The following TRIP11 variants were observed in gnomAD, a reference collection of about 807,000 sequenced individuals.
The protein encoded by TRIP11 is thyroid hormone receptor interactor 11, also known as thyroid receptor-interacting protein 11.
A neutral mutation model predicts 223.1 loss-of-function variants in TRIP11; 148 were observed. The observed-to-expected ratio is 0.66, with a 90% confidence interval of 0.58 to 0.76. TRIP11 has a LOEUF of 0.76. Ranked by LOEUF, TRIP11 falls within the 30% of genes least tolerant of loss-of-function variation. The pLI is 0.00. For missense variants in TRIP11, 2,043 were observed against 2,222.0 expected (o/e 0.92, Z 1.62); for synonymous variants, 762 against 772.6 (o/e 0.99, Z 0.23).
intron 3 of TRIP11, among the ~76,000 whole-genome samples, chr14:92,023,439 T>C (rs1198595767): frequency 1.3e-5 from 2 of 152,272 alleles, no homozygotes; most frequent in Non-Finnish European, 2.9e-5. Context: ...AAAGTAATTT[T>C]ATAAAATGCT....
chr14:92,011,677 T>C (rs960734378), intron 8 of TRIP11, 78 bp downstream of exon 8: 20 of 1,200,868 alleles, frequency 1.7e-5, no homozygotes, highest in Middle Eastern at 1.9e-4. Flanking sequence ...TTAAGGAAAA[T>C]TAAAACTCAT....
chr14:92,003,361 T>C, intron 11 of TRIP11, 58 bp downstream of exon 11: 1 of 1,599,022 alleles, frequency 6.3e-7, no homozygotes, highest in Non-Finnish European at 8.5e-7. Context: ...TGAAATAACA[T>C]TAAAAAAAGT....
intron 15 of TRIP11, among the ~76,000 whole-genome samples, chr14:91,990,119 A>C (rs1466615226): frequency 6.6e-6 from 1 of 152,228 alleles, no homozygotes; most frequent in African/African-American, 2.4e-5. Context: ...TTTGACACAT[A>C]TACATACACA....
chr14:91,998,501 T>G (rs2056778726), intron 13 of TRIP11, among the ~76,000 whole-genome samples: 1 of 152,124 alleles, frequency 6.6e-6, no homozygotes, highest in Admixed American at 6.5e-5. Context: ...ACATTCATAT[T>G]ATTGATAGAA....
intron 1 of TRIP11, among the ~76,000 whole-genome samples, chr14:92,034,199 G>A (rs906836168): frequency 2.6e-5 from 4 of 152,156 alleles, no homozygotes; most frequent in Non-Finnish European, 4.4e-5. Flanking sequence ...CAAGGTGGGC[G>A]GATCACGTGA....
At position 92,029,301 on chromosome 14, in the gene TRIP11, T is replaced by A. The variant is rs893658441; in HGVS notation, c.202-3881A>T. Among the ~76,000 whole-genome samples, 27 of 105,948 alleles carry A rather than the reference T, an allele frequency of 2.5e-4. No individual in the cohort carries two copies. The East Asian group carries it at 5.2e-3, about 20-fold the overall frequency. 69.5% of individuals were successfully genotyped at this position (105,948 alleles called of 152,430 possible). On this transcript the variant is annotated intron_variant, in intron 2 of 20. Transcript: ENST00000267622. ...TATTATTTTTTTTTTTTTTTTTTTT[T>A]TTTTTTTTTTTTGAGATGGAGTCTC...
At chr14:91,975,414 T>C (rs2056452079) in intron 17 of TRIP11, 128 bp from the exon 18 acceptor site, 1 of 501,334 alleles carries the variant, frequency 2.0e-6, no homozygotes, top group Non-Finnish European at 3.4e-6. Flanking sequence ...AAACAAAATA[T>C]TTTAAAGTGT....
chr14:91,989,022 G>A (rs1257197623), intron 15 of TRIP11, among the ~76,000 whole-genome samples: 1 of 152,180 alleles, frequency 6.6e-6, no homozygotes, highest in Non-Finnish European at 1.5e-5. Context: ...CTTTTGTCAT[G>A]TAAACATTTT....
intron 16 of TRIP11, among the ~76,000 whole-genome samples, chr14:91,982,301 T>C (rs952911361): frequency 1.3e-5 from 2 of 152,168 alleles, no homozygotes; most frequent in Non-Finnish European, 2.9e-5. Context: ...AAAGAGTAAA[T>C]ATTATGAGTG....
At position 91,966,676 on chromosome 14, in the gene TRIP11, T is replaced by G. The variant is rs1227148915; in HGVS notation, c.*2997A>C. 3 of 215,004 alleles carry G rather than the reference T, an allele frequency of 1.4e-5. No individual in the cohort carries two copies. The highest frequency in any genetic ancestry group is 2.8e-5 in the Non-Finnish European group (3 of 106,628). The allele number at this position is 215,004 out of a possible 1,614,324, so 13.3% of individuals were successfully genotyped here. On this transcript the variant is annotated 3_prime_UTR_variant, in exon 21 of 21. Transcript: ENST00000267622. ...AGCCATTCTTTTCCTAGGGTTTTGT[T>G]GTTTAGTTTTGTTTCATTTTTTAAA...
Position 92,025,358 on chromosome 14 carries a change from T to G in TRIP11, c.264A>C (p.Gln88His), listed in dbSNP as rs2057168403. 1 of 1,613,692 alleles carries G rather than the reference T, an allele frequency of 6.2e-7. No individual in the cohort carries two copies. The highest frequency in any genetic ancestry group is 2.2e-5 in the East Asian group (1 of 44,822). ...LEEKHEASEI[Q>H]IKQQSTSYRN... ...GGTAACTTGTAGATTGCTGCTTTAT[T>G]TGAATCTCTGATGCTTCATGTTTCT... The change falls in exon 3 of 21, where the codon CAA becomes CAC. Residue 88 changes from glutamine (Q) to histidine (H), a missense_variant. Physicochemically the swap from Gln to His is conservative, Grantham distance 24 (BLOSUM62 0). Transcript: ENST00000267622.
At chr14:92,008,135 T>A (rs1204094757) in intron 9 of TRIP11, among the ~76,000 whole-genome samples, 3 of 152,054 alleles carry the variant, frequency 2.0e-5, no homozygotes, top group African/African-American at 7.2e-5. Flanking sequence ...TAAAAAACGT[T>A]CCCATTTGAG....
Position 92,006,141 on chromosome 14 carries a change from T to A in TRIP11, c.1835A>T (p.His612Leu). ...AAGCTCCTCCTCATTTTGTCTAATA[T>A]GCTCCTTAAGTTCTAAATTCTCCTT... ...IQKENLELKE[H>L]IRQNEEELSR... Residue 612 changes from histidine to leucine, a missense_variant, in exon 11 of 21, where the codon CAT (histidine) becomes CTT (leucine). Transcript: ENST00000267622. 3 of 1,612,690 alleles carry A rather than the reference T, an allele frequency of 1.9e-6. No individual in the cohort carries two copies. The highest frequency in any genetic ancestry group is 2.5e-6 in the Non-Finnish European group (3 of 1,179,698).
chr14:92,023,140 C>T (rs1302149614), intron 3 of TRIP11, among the ~76,000 whole-genome samples: 1 of 152,078 alleles, frequency 6.6e-6, no homozygotes, highest in African/African-American at 2.4e-5. Context: ...GCTTAATGTG[C>T]CCTCTAATAT....
At chr14:92,017,659 C>A in intron 5 of TRIP11, 23 bp downstream of exon 5, 1 of 1,576,968 alleles carries the variant, frequency 6.3e-7, no homozygotes, top group Non-Finnish European at 8.7e-7. Flanking sequence ...TAACTCCCAT[C>A]ATCAATCAAC....
intron 16 of TRIP11, among the ~76,000 whole-genome samples, chr14:91,986,143 C>T (rs868162511): frequency 6.6e-6 from 1 of 152,224 alleles, no homozygotes; most frequent in African/African-American, 2.4e-5. Context: ...AATATTGATT[C>T]CACAAAATGA....
chr14:92,000,362 TATA>T (rs1193930977), intron 11 of TRIP11, among the ~76,000 whole-genome samples: 1 of 152,124 alleles, frequency 6.6e-6, no homozygotes, highest in African/African-American at 2.4e-5. Context: ...GACATCTAAA[TATA>T]ATGAATATAA....
At chr14:91,973,215 G>GGGGTTTCACCATGTTGGTTAGGC (rs1160386730) in intron 19 of TRIP11, among the ~76,000 whole-genome samples, 2 of 151,942 alleles carry the variant, frequency 1.3e-5, no homozygotes, top group Non-Finnish European at 2.9e-5. Context: ...TAGCAGAGAC[G>GGGGTTTCACCATGTTGGTTAGGC]GGGTTTCACC....
At chr14:91,974,217 G>C (rs1479966730) in intron 19 of TRIP11, among the ~76,000 whole-genome samples, 1 of 152,120 alleles carries the variant, frequency 6.6e-6, no homozygotes, top group Admixed American at 6.5e-5. Context: ...CCAGTTTGCA[G>C]CTGCATCCTC....
Sources: gnomAD v4.1 joint callset for allele counts (sites outside exome capture counted in the v4.1 genomes callset) on GRCh38, gnomAD v4.1.1 for gene constraint, MANE v1.5 for transcripts, NCBI Gene and HGNC (gene_info 2026-07-23, HGNC 2026-07-21) for gene names.